The following SLC9A7 variants were observed in gnomAD, a reference collection of about 807,000 sequenced individuals.
SLC9A7 encodes solute carrier family 9 member A7.
Under a neutral mutation model 52.6 loss-of-function variants are expected in SLC9A7, and 19 were observed. The ratio of observed to expected loss-of-function variants is 0.36; its 90% CI spans 0.25 to 0.53. SLC9A7 has a LOEUF of 0.53. Among genes scored for constraint, SLC9A7 ranks in the 20% least tolerant of loss-of-function variants. The pLI is 0.91. For synonymous variants in SLC9A7, 226 were observed against 252.1 expected (o/e 0.90, Z 0.98); for missense variants, 455 against 597.9 (o/e 0.76, Z 2.49).
intron 8 of SLC9A7, 128 bp from the exon 9 acceptor site, chrX:46,651,532 C>T (rs1846028689): frequency 5.9e-6 from 3 of 509,554 alleles, no homozygotes; most frequent in Admixed American, 6.5e-5. Context: ...ATTTTTGAAA[C>T]TTTCCTATTG....
rs769639242 is a variant in SLC9A7, at chrX:46,669,743, T to C, written c.681-24A>G. ...TTCTGTAAGAAGGTAAGGTAAACTA[T>C]GTCAGGAGAAAAAAATAAGTAACTT... On this transcript the variant is annotated intron_variant, in intron 4 of 16. Coordinates refer to ENST00000616978, the MANE Select transcript of SLC9A7 (RefSeq NM_001257291.2). The C allele has an allele frequency of 9.4e-6, 8 of 850,768 alleles. No individual in the cohort carries two copies. In the Admixed American group the frequency reaches 2.1e-4, roughly 23 times the overall value. The allele number at this position is 850,768 out of a possible 1,213,427, so 70.1% of individuals were successfully genotyped here. A position where few individuals can be genotyped will look rare whatever the true frequency, so the allele number is the denominator to read the frequency against.
At chrX:46,651,286 C>A in intron 9 of SLC9A7, 30 bp downstream of exon 9, 2 of 1,191,323 alleles carry the variant, frequency 1.7e-6, no homozygotes, top group Non-Finnish European at 2.3e-6. Context: ...TGTTAACAAG[C>A]AACTCGTGAG....
chrX:46,723,037 A>G (rs1246262792), intron 1 of SLC9A7, among the ~76,000 whole-genome samples: 1 of 111,280 alleles, frequency 9.0e-6, no homozygotes, highest in African/African-American at 3.3e-5. Context: ...TACAATGCCG[A>G]CCTAGAAACC....
intron 14 of SLC9A7, among the ~76,000 whole-genome samples, chrX:46,629,845 T>TA (rs752019290): frequency 3.6e-5 from 4 of 111,866 alleles, no homozygotes; most frequent in African/African-American, 9.8e-5. Flanking sequence ...CCCAAACTGT[T>TA]ATACTCTAAA....
At chrX:46,719,965 G>C (rs1944833256) in intron 1 of SLC9A7, among the ~76,000 whole-genome samples, 1 of 111,559 alleles carries the variant, frequency 9.0e-6, no homozygotes, top group African/African-American at 3.3e-5. Flanking sequence ...AAACTAGTAA[G>C]TAATATATTC....
chrX:46,690,200 A>G (rs373500974), intron 1 of SLC9A7, among the ~76,000 whole-genome samples: 18 of 112,206 alleles, frequency 1.6e-4, no homozygotes, highest in African/African-American at 5.5e-4. Context: ...CCCCTACAGC[A>G]TCATATGAGG....
intron 1 of SLC9A7, among the ~76,000 whole-genome samples, chrX:46,691,204 T>C (rs1342865583): frequency 8.9e-6 from 1 of 112,418 alleles, no homozygotes; most frequent in Non-Finnish European, 1.9e-5. Context: ...TATTGAGCTC[T>C]CACACAGTCA....
At chrX:46,699,769 G>A in intron 1 of SLC9A7, among the ~76,000 whole-genome samples, 1 of 111,307 alleles carries the variant, frequency 9.0e-6, no homozygotes, top group Non-Finnish European at 1.9e-5. Context: ...CCAACAATAT[G>A]GAGGGGCACC....
chrX:46,722,820 G>A (rs1944880693), intron 1 of SLC9A7, among the ~76,000 whole-genome samples: 1 of 112,079 alleles, frequency 8.9e-6, no homozygotes, highest in Non-Finnish European at 1.9e-5. Context: ...TTCTTCCTTA[G>A]TAAGCAGCAG....
intron 7 of SLC9A7, among the ~76,000 whole-genome samples, chrX:46,661,551 T>C (rs1463338064): frequency 5.4e-5 from 6 of 111,489 alleles, no homozygotes; most frequent in Non-Finnish European, 7.5e-5. Context: ...ACTGTTTTTT[T>C]AGTTTGTTTA....
At chrX:46,732,712 TAA>T in intron 1 of SLC9A7, among the ~76,000 whole-genome samples, 1 of 112,039 alleles carries the variant, frequency 8.9e-6, no homozygotes, top group East Asian at 2.8e-4. Flanking sequence ...ATATACCTTT[TAA>T]TCTAACAGTC....
At chrX:46,636,310 G>C (rs1391611759) in intron 12 of SLC9A7, among the ~76,000 whole-genome samples, 1 of 110,838 alleles carries the variant, frequency 9.0e-6, no homozygotes. Context: ...CATCATGTTG[G>C]AGCAGGGTTT....
intron 11 of SLC9A7, chrX:46,646,885 T>C (rs1943501737): frequency 3.2e-6 from 1 of 316,847 alleles, no homozygotes; most frequent in Admixed American, 3.1e-5. Flanking sequence ...CTTCAGACCC[T>C]CACAAGAGGG....
In SLC9A7 at chrX:46,669,595, A is replaced by G. The variant is rs1408991143; in HGVS notation, c.793+12T>C. 5.0e-6 allele frequency: 5 copies of G among 991,948 alleles called. No homozygotes were observed. The highest frequency in any genetic ancestry group is 6.9e-6 in the Non-Finnish European group (5 of 720,006). The allele number at this position is 991,948 out of a possible 1,213,427, so 81.7% of individuals were successfully genotyped here. Reference sequence around the variant, plus strand: ...ATCATAATAATAAAGACAAATACACAAAGCCAAATACCTGGGTCAGTGGCA... The same window carrying G: ...ATCATAATAATAAAGACAAATACACGAAGCCAAATACCTGGGTCAGTGGCA... On this transcript the variant is annotated intron_variant, in intron 5 of 16. Transcript: ENST00000616978.
At chrX:46,666,290 G>A (rs1384547712) in intron 5 of SLC9A7, among the ~76,000 whole-genome samples, 3 of 111,041 alleles carry the variant, frequency 2.7e-5, no homozygotes, top group Non-Finnish European at 5.7e-5. Flanking sequence ...CAATTTTTTT[G>A]TGGGGATGAA....
chrX:46,686,708 T>C (rs979609371), intron 1 of SLC9A7, among the ~76,000 whole-genome samples: 2 of 111,927 alleles, frequency 1.8e-5, no homozygotes, highest in African/African-American at 6.5e-5. Flanking sequence ...CCTAGTGTTC[T>C]AGATCACAAA....
chrX:46,613,258 C>G, intron 16 of SLC9A7, 31 bp downstream of exon 16: 2 of 1,056,456 alleles, frequency 1.9e-6, no homozygotes, highest in South Asian at 2.2e-5. Context: ...GCATGGTGAC[C>G]AGGACTCCAA....
intron 16 of SLC9A7, among the ~76,000 whole-genome samples, chrX:46,612,395 G>C (rs1199680703): frequency 9.0e-6 from 1 of 111,339 alleles, no homozygotes; most frequent in Admixed American, 9.6e-5. Context: ...ACCCACACCA[G>C]GAGTGCAGGA....
chrX:46,648,395 T>C (rs1943527104), intron 11 of SLC9A7, among the ~76,000 whole-genome samples: 2 of 111,774 alleles, frequency 1.8e-5, no homozygotes, highest in South Asian at 7.5e-4. Flanking sequence ...GAAGATCTTC[T>C]AGAAAACAAT....
Sources: allele counts gnomAD v4.1 joint callset (sites outside exome capture counted in the v4.1 genomes callset), GRCh38; gene constraint gnomAD v4.1.1; transcripts MANE v1.5; gene names NCBI Gene and HGNC (gene_info 2026-07-23, HGNC 2026-07-21).